Variants in PDE4B observed in about 807,000 individuals in gnomAD.
PDE4B encodes the protein 3',5'-cyclic-AMP phosphodiesterase 4B.
PDE4B carries 20 observed loss-of-function variants against 82.2 expected under a neutral mutation model. That is an observed-to-expected ratio of 0.24 (90% CI 0.17 to 0.35). The LOEUF (loss-of-function observed/expected upper bound fraction) is 0.35. Among genes scored for constraint, PDE4B ranks in the 10% least tolerant of loss-of-function variants. The probability of loss-of-function intolerance (pLI) is 1.00; values close to 1 mark genes in which losing one functional copy is unlikely to be tolerated. For missense variants in PDE4B, 655 were observed against 907.2 expected (o/e 0.72, Z 3.57); for synonymous variants, 320 against 318.9 (o/e 1.00, Z -0.04).
chr1:66,320,236 T>A (rs1659303727), intron 7 of PDE4B, among the ~76,000 whole-genome samples: 1 of 152,098 alleles, frequency 6.6e-6, no homozygotes. Context: ...TGTGTCTTTC[T>A]TATGACAGCT....
chr1:65,801,243 G>T (rs1645691518), intron 1 of PDE4B, among the ~76,000 whole-genome samples: 1 of 152,150 alleles, frequency 6.6e-6, no homozygotes, highest in African/African-American at 2.4e-5. Flanking sequence ...GATGTAGCTT[G>T]GATCCTCGGT....
intron 1 of PDE4B, among the ~76,000 whole-genome samples, chr1:65,810,019 A>C (rs553700830): frequency 6.6e-6 from 1 of 152,334 alleles, no homozygotes; most frequent in African/African-American, 2.4e-5. Flanking sequence ...CAAGGGCTGC[A>C]CTCTCTTTCA....
chr1:65,881,967 T>C (rs1410873822), intron 1 of PDE4B, among the ~76,000 whole-genome samples: 2 of 152,196 alleles, frequency 1.3e-5, no homozygotes, highest in African/African-American at 4.8e-5. Context: ...AATTTGTTCT[T>C]CAACAATTAA....
chr1:66,214,630 A>T (rs1198338297), intron 3 of PDE4B, among the ~76,000 whole-genome samples: 1 of 152,096 alleles, frequency 6.6e-6, no homozygotes, highest in South Asian at 2.1e-4. Flanking sequence ...ATTTATTTTT[A>T]TTTTTTTAAC....
At chr1:66,051,361 A>T (rs558580029) in intron 3 of PDE4B, among the ~76,000 whole-genome samples, 1 of 152,160 alleles carries the variant, frequency 6.6e-6, no homozygotes, top group Admixed American at 6.6e-5. Context: ...TAGCAACCTC[A>T]TGATTATTGG....
At chr1:66,119,455 C>A (rs1285599518) in intron 3 of PDE4B, among the ~76,000 whole-genome samples, 1 of 151,968 alleles carries the variant, frequency 6.6e-6, no homozygotes, top group African/African-American at 2.4e-5. Context: ...TATCTTCAGA[C>A]TGTAGAGAGA....
intron 1 of PDE4B, among the ~76,000 whole-genome samples, chr1:65,815,516 G>A (rs10889586): frequency 0.03 from 4,598 of 152,120 alleles, 172 homozygotes; most frequent in East Asian, 0.12. Context: ...ATGGTAAAAG[G>A]ACCTTAGTGG....
intron 1 of PDE4B, among the ~76,000 whole-genome samples, chr1:65,829,192 C>A (rs761786060): frequency 6.6e-6 from 1 of 152,074 alleles, no homozygotes; most frequent in African/African-American, 2.4e-5. Context: ...AAGCAGACTT[C>A]AGAATAAGAA....
intron 3 of PDE4B, among the ~76,000 whole-genome samples, chr1:66,241,537 C>T (rs1448678217): frequency 6.6e-6 from 1 of 151,974 alleles, no homozygotes; most frequent in Non-Finnish European, 1.5e-5. Flanking sequence ...GACTGAGTCT[C>T]ACTCTGTTGC....
intron 3 of PDE4B, among the ~76,000 whole-genome samples, chr1:66,208,534 C>T (rs1649751633): frequency 6.6e-6 from 1 of 152,188 alleles, no homozygotes; most frequent in Non-Finnish European, 1.5e-5. Flanking sequence ...TGCTAATCTT[C>T]CTCTTCAGAA....
At chr1:66,065,856 C>T (rs1046211486) in intron 3 of PDE4B, among the ~76,000 whole-genome samples, 8 of 151,754 alleles carry the variant, frequency 5.3e-5, no homozygotes, top group Non-Finnish European at 5.9e-5. Context: ...GCATGTTGTA[C>T]GCTTACCGAG....
chr1:66,304,510 A>C (rs190981283), intron 7 of PDE4B, among the ~76,000 whole-genome samples: 1 of 152,216 alleles, frequency 6.6e-6, no homozygotes, highest in African/African-American at 2.4e-5. Flanking sequence ...CCTCATATTT[A>C]GTGGTCCTTT....
intron 7 of PDE4B, among the ~76,000 whole-genome samples, chr1:66,297,453 G>A (rs547010397): frequency 1.3e-5 from 2 of 152,158 alleles, no homozygotes; most frequent in Non-Finnish European, 2.9e-5. Flanking sequence ...ACTTTAAAAA[G>A]TAATTCCCAA....
At chr1:65,991,586 A>G (rs1213759239) in intron 3 of PDE4B, among the ~76,000 whole-genome samples, 1 of 152,138 alleles carries the variant, frequency 6.6e-6, no homozygotes, top group Non-Finnish European at 1.5e-5. Flanking sequence ...GACTTTTCAT[A>G]ACATCCAGAA....
At chr1:65,820,416 T>C (rs1189926182) in intron 1 of PDE4B, among the ~76,000 whole-genome samples, 1 of 152,214 alleles carries the variant, frequency 6.6e-6, no homozygotes, top group African/African-American at 2.4e-5. Context: ...ATGGTTAAAA[T>C]AAAATATGAA....
chr1:66,112,009 C>A (rs1252675388), intron 3 of PDE4B, among the ~76,000 whole-genome samples: 1 of 152,050 alleles, frequency 6.6e-6, no homozygotes, highest in Non-Finnish European at 1.5e-5. Flanking sequence ...AGAACCTTTG[C>A]ATTTTGTTCA....
chr1:66,205,637 G>A (rs1649485511), intron 3 of PDE4B, among the ~76,000 whole-genome samples: 1 of 152,186 alleles, frequency 6.6e-6, no homozygotes, highest in South Asian at 2.1e-4. Context: ...TATTAAACCT[G>A]TTCACAGTTT....
In PDE4B at chr1:66,243,731, A is replaced by C. The variant is rs1308569905; in HGVS notation, c.282-3729A>C. Among the ~76,000 whole-genome samples the C allele has an allele frequency of 1.3e-5, 2 of 152,230 alleles. 1 individual carries two copies. The highest frequency in any genetic ancestry group is 2.9e-5 in the Non-Finnish European group (2 of 68,040). ...ATCACTGCCTGGAAGAGCTGAGAAC[A>C]CTAGATACAATGCAAGAGAAGGCTG... is the stretch of plus-strand genomic sequence containing the variant. On this transcript the variant is annotated intron_variant, in intron 3 of 16. Transcript: ENST00000341517.
At chr1:65,860,382 T>A (rs1646440704) in intron 1 of PDE4B, among the ~76,000 whole-genome samples, 1 of 152,220 alleles carries the variant, frequency 6.6e-6, no homozygotes, top group Non-Finnish European at 1.5e-5. Context: ...GAACTCATCC[T>A]TTTTTATGGC....
Sources: allele counts gnomAD v4.1 joint callset (sites outside exome capture counted in the v4.1 genomes callset), GRCh38; gene constraint gnomAD v4.1.1; transcripts MANE v1.5; gene names NCBI Gene and HGNC (gene_info 2026-07-23, HGNC 2026-07-21).